Variants in TSPOAP1 observed in about 807,000 individuals in gnomAD.
The protein encoded by TSPOAP1 is TSPO associated protein 1, also known as peripheral-type benzodiazepine receptor-associated protein 1.
Under a neutral mutation model 197.0 loss-of-function variants are expected in TSPOAP1, and 87 were observed. The ratio of observed to expected loss-of-function variants is 0.44; its 90% CI spans 0.37 to 0.53. The LOEUF is 0.53. Ranked by LOEUF, TSPOAP1 falls within the 20% of genes least tolerant of loss-of-function variation. The pLI is 0.00. For synonymous variants in TSPOAP1, 913 were observed against 998.9 expected, an observed-to-expected ratio of 0.91 and a Z score of 1.62; for missense variants, 2,174 against 2,411.3, an observed-to-expected ratio of 0.90 and a Z score of 2.06.
chr17:58,312,483 G>T lies in TSPOAP1; in HGVS notation c.2338C>A (p.Pro780Thr), dbSNP rs748344966. 1.2e-6 allele frequency: 2 copies of T among 1,607,884 alleles called. No homozygotes were observed. The highest frequency in any genetic ancestry group is 2.2e-5 in the South Asian group (2 of 89,958). ...GGCTCGCCCAGGCCCTCCGGTGATG[G>T]GCTCAGACTGAGCTCGTCCCCTGCA... Reference protein sequence around the residue: ...EDAGDELSLSPSPEGLGEPPA... With the variant: ...EDAGDELSLSTSPEGLGEPPA... Residue 780 changes from proline to threonine, a missense_variant, in exon 17 of 32, where the codon CCA becomes ACA. Pro to Thr is a conservative substitution (Grantham distance 38). Transcript: ENST00000343736.
At position 58,325,533 on chromosome 17, in the gene TSPOAP1, C is replaced by T. The variant is rs1356146150; in HGVS notation, c.750+1G>A. 1 of 1,612,122 alleles carries T rather than the reference C, an allele frequency of 6.2e-7. No homozygotes were observed. The highest frequency in any genetic ancestry group is 1.1e-5 in the South Asian group (1 of 91,006). ...AAGAGGTGACCAGGGCCTCCTCGCA[C>T]CTTGCCCACCAGAGTGAGCCTGGCC... On this transcript the variant is annotated splice_donor_variant, in intron 4 of 31. Transcript: ENST00000343736. LOFTEE classifies it high-confidence loss of function.
intron 18 of TSPOAP1, 127 bp downstream of exon 18, chr17:58,311,444 C>T (rs970873241): frequency 5.8e-5 from 80 of 1,369,562 alleles, no homozygotes; most frequent in Non-Finnish European, 7.6e-5. Context: ...GCTCTTAACC[C>T]ATCTGCCTCA....
In TSPOAP1 at chr17:58,324,857, G is replaced by A. The variant is rs1249558629; in HGVS notation, c.896C>T (p.Ala299Val). Residue 299 changes from alanine (A) to valine (V), a missense_variant, in exon 5 of 32, where the codon GCT (alanine) becomes GTT (valine). By Grantham distance (64) the Ala-to-Val change is moderately conservative. Around this residue, in one of 5 missense-constraint regions of TSPOAP1, gnomAD observed 1,933 missense variants for 2,139.0 expected, o/e 0.90. Coordinates refer to ENST00000343736, the MANE Select transcript of TSPOAP1 (RefSeq NM_004758.4). The surrounding 1 kb of genome is among the most constrained non-coding windows in gnomAD (Gnocchi z 5.8). ...AGGCGCCCCTGCTCTGGCCTGGAGA[G>A]CAGGGCCCGGGGGCCAGGACGGCGG... ...PLPPSWPPGP[A>V]LQARAGAPAP... 2 of 1,527,938 alleles carry A rather than the reference G, an allele frequency of 1.3e-6. No individual in the cohort carries two copies. The highest frequency in any genetic ancestry group is 2.5e-5 in the East Asian group (1 of 40,734). The allele number at this position is 1,527,938 out of a possible 1,614,324, so 94.6% of individuals were successfully genotyped here. A position where few individuals can be genotyped will look rare whatever the true frequency, so the allele number is the denominator to read the frequency against.
In TSPOAP1 at chr17:58,325,524, C is replaced by T. The variant is rs1449001146; in HGVS notation, c.750+10G>A. On this transcript the variant is annotated intron_variant, in intron 4 of 31. Transcript: ENST00000343736. ...CTGAGCTGGAAGAGGTGACCAGGGC[C>T]TCCTCGCACCTTGCCCACCAGAGTG... The T allele has an allele frequency of 6.2e-7, 1 of 1,611,748 alleles. No individual in the cohort carries two copies. Among genetic ancestry groups the T allele is most frequent in the African/African-American group, 1.3e-5 (1 of 75,020 alleles).
intron 14 of TSPOAP1, among the ~76,000 whole-genome samples, 170 bp downstream of exon 14, chr17:58,318,110 C>T (rs1398861058): frequency 6.6e-6 from 1 of 152,172 alleles, no homozygotes; most frequent in Non-Finnish European, 1.5e-5. Context: ...AGGAAGGGCT[C>T]CACCTGAGCG....
At chr17:58,307,248 A>G (rs1016253395) in intron 24 of TSPOAP1, among the ~76,000 whole-genome samples, 1 of 152,228 alleles carries the variant, frequency 6.6e-6, no homozygotes, top group African/African-American at 2.4e-5. Flanking sequence ...GCCTTTAATC[A>G]ATACTTGGAG....
At chr17:58,319,043 G>A in intron 13 of TSPOAP1, 47 bp downstream of exon 13, 1 of 1,453,592 alleles carries the variant, frequency 6.9e-7, no homozygotes. Flanking sequence ...CTATCCAAAA[G>A]CCCAGGCCTG....
At chr17:58,325,826 T>G in intron 3 of TSPOAP1, 113 bp from the exon 4 acceptor site, 1 of 1,151,698 alleles carries the variant, frequency 8.7e-7, no homozygotes, top group Non-Finnish European at 1.2e-6. Context: ...GGTAGCCACC[T>G]GCTTCCACCT....
intron 14 of TSPOAP1, among the ~76,000 whole-genome samples, chr17:58,316,862 T>C (rs928831975): frequency 2.0e-5 from 3 of 151,764 alleles, no homozygotes; most frequent in African/African-American, 7.3e-5. Context: ...GTGTGGGGAG[T>C]GGGTGTCAAC....
intron 19 of TSPOAP1, 40 bp from the exon 20 acceptor site, chr17:58,310,791 C>G (rs1971055067): frequency 6.3e-7 from 1 of 1,592,564 alleles, no homozygotes; most frequent in Admixed American, 1.7e-5. Flanking sequence ...AAGCCCAGGT[C>G]CCTCTGCCAG....
In TSPOAP1 at chr17:58,302,208, CAG is replaced by C; in HGVS notation, c.*270_*271del. 1 of 1,274,840 alleles carries C rather than the reference CAG, an allele frequency of 7.8e-7. No individual in the cohort carries two copies. The highest frequency in any genetic ancestry group is 1.0e-6 in the Non-Finnish European group (1 of 979,182). 79.0% of individuals were successfully genotyped at this position (1,274,840 alleles called of 1,614,324 possible). On this transcript the variant is annotated 3_prime_UTR_variant, in exon 32 of 32. Coordinates refer to ENST00000343736, the MANE Select transcript of TSPOAP1 (RefSeq NM_004758.4). Reference sequence around the variant, plus strand: ...CCCAGTCTGAGCCTTCCCTGCTCAGCAGAGACAGTGATCTGGGGGCCTCTCAG... The same window carrying C: ...CCCAGTCTGAGCCTTCCCTGCTCAGCAGACAGTGATCTGGGGGCCTCTCAG...
rs916177214 is a variant in TSPOAP1, at chr17:58,324,684, C to T, written c.942+127G>A. ...TGCCCAGGACGGGAAAGCTCCCCAG[C>T]CCCTGGGAGTGCGCACACCACCACT... On this transcript the variant is annotated intron_variant, in intron 5 of 31. Transcript: ENST00000343736. The surrounding 1 kb of genome is among the most constrained non-coding windows in gnomAD (Gnocchi z 5.8). 6 of 808,284 alleles carry T rather than the reference C, an allele frequency of 7.4e-6. No individual in the cohort carries two copies. Among genetic ancestry groups the T allele is most frequent in the East Asian group, 3.1e-5 (1 of 31,810 alleles). The allele number at this position is 808,284 out of a possible 1,614,324, so 50.1% of individuals were successfully genotyped here.
chr17:58,327,775 G>C lies in TSPOAP1; in HGVS notation c.146C>G (p.Ala49Gly). 1 of 1,614,206 alleles carries C rather than the reference G, an allele frequency of 6.2e-7. No homozygotes were observed. The change falls in exon 1 of 32, where the codon GCT (alanine) becomes GGT (glycine). Residue 49 changes from alanine to glycine, a missense_variant. Ala to Gly is a moderately conservative substitution (Grantham distance 60, BLOSUM62 0). Around this residue, in one of 5 missense-constraint regions of TSPOAP1, gnomAD observed 1,933 missense variants for 2,139.0 expected, o/e 0.90. Coordinates refer to ENST00000343736, the MANE Select transcript of TSPOAP1 (RefSeq NM_004758.4). ...AGACCTCAGTTCTTGAAGCTGCAGA[G>C]CTGCCGGAGGAGTATCAGCGATGCT... ...APSIADTPPA[A>G]LQLQELRSEE...
chr17:58,302,263 C>A lies in TSPOAP1; in HGVS notation c.*217G>T. ...CCTCTTCTGCCTGCAGGATGGGCCA[C>A]AGCTTCACTCCTTCTTCCCAGAGCC... On this transcript the variant is annotated 3_prime_UTR_variant, in exon 32 of 32. Transcript: ENST00000343736. The A allele has an allele frequency of 7.8e-7, 1 of 1,289,560 alleles. No individual in the cohort carries two copies. Among genetic ancestry groups the A allele is most frequent in the Non-Finnish European group, 1.0e-6 (1 of 988,756 alleles). The allele number at this position is 1,289,560 out of a possible 1,614,324, so 79.9% of individuals were successfully genotyped here. A position where few individuals can be genotyped will look rare whatever the true frequency, so the allele number is the denominator to read the frequency against.
intron 22 of TSPOAP1, among the ~76,000 whole-genome samples, chr17:58,308,298 AC>A (rs1970971320): frequency 6.6e-6 from 1 of 152,204 alleles, no homozygotes; most frequent in Admixed American, 6.5e-5. Flanking sequence ...GGAAAGGGCG[AC>A]CCTGCCCACA....
Position 58,311,011 on chromosome 17 carries a change from C to T in TSPOAP1, c.3284G>A (p.Ser1095Asn). 4 of 1,598,202 alleles carry T rather than the reference C, an allele frequency of 2.5e-6. No individual in the cohort carries two copies. The highest frequency in any genetic ancestry group is 3.4e-6 in the Non-Finnish European group (4 of 1,172,372). The change falls in exon 19 of 32, where the codon AGC becomes AAC. Residue 1095 changes from serine to asparagine, a missense_variant. Around this residue, in one of 5 missense-constraint regions of TSPOAP1, gnomAD observed 1,933 missense variants for 2,139.0 expected, o/e 0.90. Coordinates refer to ENST00000343736, the MANE Select transcript of TSPOAP1 (RefSeq NM_004758.4). ...ARVSCPSPHP[S>N]PEARAPLASA... ...AGCAAGGGGCGCTCTGGCCTCTGGG[C>T]TTGGGTGCGGTGAGGGGCAGGAGAC...
At position 58,319,263 on chromosome 17, in the gene TSPOAP1, C is replaced by A; in HGVS notation, c.1526G>T (p.Arg509Leu). 2 of 1,595,468 alleles carry A rather than the reference C, an allele frequency of 1.3e-6. No homozygotes were observed. Among genetic ancestry groups the A allele is most frequent in the Non-Finnish European group, 1.7e-6 (2 of 1,171,144 alleles). Residue 509 changes from arginine to leucine, a missense_variant, in exon 13 of 32, where the codon CGC (arginine) becomes CTC (leucine). Arg to Leu is a moderately radical substitution (Grantham distance 102). This residue lies in a region of TSPOAP1 where 1,933 missense variants were observed against 2,139.0 expected (regional missense o/e 0.90). Transcript: ENST00000343736. ...GAGGCTGAACTGCTCGGTTTGGCTG[C>A]GGCACTGTTCTTCGAGCTCTCGAAC... ...ARVRELEEQC[R>L]SQTEQFSLLA...
At chr17:58,302,593 A>C in intron 31 of TSPOAP1, 146 bp from the exon 32 acceptor site, 1 of 398,074 alleles carries the variant, frequency 2.5e-6, no homozygotes, top group South Asian at 2.5e-5. Context: ...ACCTCCCACC[A>C]CTGTCAGAAA....
intron 16 of TSPOAP1, among the ~76,000 whole-genome samples, chr17:58,315,387 C>G (rs573044198): frequency 1.2e-4 from 18 of 152,340 alleles, no homozygotes; most frequent in South Asian, 1.0e-3. Flanking sequence ...ATGGACTCAG[C>G]CTGGTGGTAC....
Sources: gnomAD v4.1 joint callset for allele counts (sites outside exome capture counted in the v4.1 genomes callset) on GRCh38, gnomAD v4.1.1 for gene constraint, gnomAD v4.1.1 regional missense constraint, Gnocchi (gnomAD v3.1) non-coding constraint, MANE v1.5 for transcripts, NCBI Gene and HGNC (gene_info 2026-07-23, HGNC 2026-07-21) for gene names.